Variants in FHOD3 observed in about 807,000 individuals in gnomAD.
The protein encoded by FHOD3 is FH1/FH2 domain-containing protein 3.
FHOD3 carries 90 observed loss-of-function variants against 173.0 expected under a neutral mutation model. That is an observed-to-expected ratio of 0.52 (90% CI 0.44 to 0.62). The LOEUF is 0.62. Among genes scored for constraint, FHOD3 ranks in the 20% least tolerant of loss-of-function variants. The probability of loss-of-function intolerance (pLI) is 0.00; values close to 1 mark genes in which losing one functional copy is unlikely to be tolerated. For synonymous variants in FHOD3, 828 were observed against 823.0 expected (o/e 1.01, Z -0.10); for missense variants, 1,945 against 2,034.7 (o/e 0.96, Z 0.85).
intron 3 of FHOD3, among the ~76,000 whole-genome samples, chr18:36,389,840 A>G (rs1358961980): frequency 6.6e-6 from 1 of 152,124 alleles, no homozygotes; most frequent in African/African-American, 2.4e-5. Flanking sequence ...GAAGGCAATG[A>G]GTAGGGCAGG....
At chr18:36,346,416 C>T (rs1254408715) in intron 1 of FHOD3, among the ~76,000 whole-genome samples, 1 of 152,092 alleles carries the variant, frequency 6.6e-6, no homozygotes. Context: ...CATTTTATCC[C>T]ATCTCCCTGC....
chr18:36,406,089 G>GTTTTTTTTTTTTTTTT (rs763484942), intron 3 of FHOD3, among the ~76,000 whole-genome samples: 2 of 135,778 alleles, frequency 1.5e-5, no homozygotes, highest in Non-Finnish European at 3.1e-5. Context: ...TTTTGTTTTT[G>GTTTTTTTTTTTTTTTT]TTTTTGTTTT....
At chr18:36,476,570 A>G (rs1160865862) in intron 3 of FHOD3, among the ~76,000 whole-genome samples, 1 of 152,172 alleles carries the variant, frequency 6.6e-6, no homozygotes, top group Non-Finnish European at 1.5e-5. Flanking sequence ...GGGCCGTAGG[A>G]TACTCAGTGC....
At chr18:36,720,444 G>A (rs1410978595) in intron 19 of FHOD3, among the ~76,000 whole-genome samples, 1 of 151,752 alleles carries the variant, frequency 6.6e-6, no homozygotes, top group East Asian at 1.9e-4. Flanking sequence ...CACCATGTTG[G>A]CCAGGCTGGT....
At chr18:36,539,140 A>G (rs963410865) in intron 5 of FHOD3, among the ~76,000 whole-genome samples, 1 of 152,256 alleles carries the variant, frequency 6.6e-6, no homozygotes, top group African/African-American at 2.4e-5. Flanking sequence ...CACAATTAGC[A>G]TAGGCTGGAT....
chr18:36,590,385 G>T (rs957252011), intron 6 of FHOD3, among the ~76,000 whole-genome samples: 30 of 143,936 alleles, frequency 2.1e-4, no homozygotes, highest in African/African-American at 6.8e-4. Context: ...TTGGCTCATA[G>T]AATTCTTTTG....
At chr18:36,468,473 A>G (rs1161889252) in intron 3 of FHOD3, among the ~76,000 whole-genome samples, 1 of 152,162 alleles carries the variant, frequency 6.6e-6, no homozygotes, top group African/African-American at 2.4e-5. Flanking sequence ...CTCTGGAGAC[A>G]GGCCACAGGA....
intron 5 of FHOD3, among the ~76,000 whole-genome samples, chr18:36,572,734 G>T (rs112434236): frequency 0.63 from 94,848 of 151,426 alleles, 29,778 homozygotes; most frequent in Non-Finnish European, 0.65. Flanking sequence ...AGCTCTTGGG[G>T]GGAGGCCTTC....
chr18:36,467,028 T>A (rs1454203180), intron 3 of FHOD3, among the ~76,000 whole-genome samples: 1 of 152,160 alleles, frequency 6.6e-6, no homozygotes, highest in African/African-American at 2.4e-5. Flanking sequence ...TAAGAGGGGA[T>A]CCCTGCCCCA....
chr18:36,640,184 A>T (rs2035204856), intron 10 of FHOD3, among the ~76,000 whole-genome samples: 1 of 152,240 alleles, frequency 6.6e-6, no homozygotes, highest in Non-Finnish European at 1.5e-5. Flanking sequence ...GGGACAATAA[A>T]TACTTTCCTG....
At chr18:36,606,548 C>T (rs1031119851) in intron 8 of FHOD3, among the ~76,000 whole-genome samples, 1 of 152,104 alleles carries the variant, frequency 6.6e-6, no homozygotes, top group Non-Finnish European at 1.5e-5. Flanking sequence ...TAGCATTCTG[C>T]CCCCTGTCCC....
At chr18:36,774,622 C>T (rs1378665441) in intron 28 of FHOD3, among the ~76,000 whole-genome samples, 1 of 152,144 alleles carries the variant, frequency 6.6e-6, no homozygotes, top group African/African-American at 2.4e-5. Flanking sequence ...GGAATGTCTG[C>T]TTTTTGTTGT....
At chr18:36,502,441 C>A (rs1198276295) in intron 4 of FHOD3, among the ~76,000 whole-genome samples, 2 of 152,104 alleles carry the variant, frequency 1.3e-5, no homozygotes, top group African/African-American at 4.8e-5. Context: ...ATGTTCCCCT[C>A]CCTCTGTCCA....
rs370411433 is a variant in FHOD3, at chr18:36,427,799, C to T, written c.337+55055C>T. 4.6e-5 allele frequency among the ~76,000 whole-genome samples: 7 copies of T among 152,102 alleles called. No homozygotes were observed. In the East Asian group the frequency reaches 1.3e-3, roughly 29 times the overall value. On this transcript the variant is annotated intron_variant, in intron 3 of 28. Coordinates refer to ENST00000590592, the MANE Select transcript of FHOD3 (RefSeq NM_001281740.3). ...GGATGAATGGATATGTAAATGATTC[C>T]ACAAAAATGTGATACATGGGTAATA...
At chr18:36,565,828 A>G (rs1367623839) in intron 5 of FHOD3, among the ~76,000 whole-genome samples, 1 of 152,268 alleles carries the variant, frequency 6.6e-6, no homozygotes, top group African/African-American at 2.4e-5. Flanking sequence ...CTTGCGTTTC[A>G]TGGTGGAACT....
intron 18 of FHOD3, among the ~76,000 whole-genome samples, chr18:36,714,549 T>A (rs1163849668): frequency 6.6e-6 from 1 of 151,942 alleles, no homozygotes; most frequent in Non-Finnish European, 1.5e-5. Context: ...AGAAAAAAAA[T>A]ATTACCTGAT....
At chr18:36,588,769 C>T (rs2059120252) in intron 6 of FHOD3, among the ~76,000 whole-genome samples, 2 of 152,204 alleles carry the variant, frequency 1.3e-5, no homozygotes, top group African/African-American at 4.8e-5. Flanking sequence ...TTATTACCTT[C>T]CCACATATTT....
intron 28 of FHOD3, among the ~76,000 whole-genome samples, chr18:36,774,841 G>A (rs554393164): frequency 6.6e-6 from 1 of 152,304 alleles, no homozygotes; most frequent in African/African-American, 2.4e-5. Flanking sequence ...ATTCCAGATT[G>A]CATTTAGCCC....
At chr18:36,518,278 T>C (rs1047502208) in intron 5 of FHOD3, among the ~76,000 whole-genome samples, 1 of 152,176 alleles carries the variant, frequency 6.6e-6, no homozygotes, top group African/African-American at 2.4e-5. Context: ...CTCTGCAACC[T>C]CATGACACTG....
Sources: allele counts gnomAD v4.1 joint callset (sites outside exome capture counted in the v4.1 genomes callset), GRCh38; gene constraint gnomAD v4.1.1; transcripts MANE v1.5; gene names NCBI Gene and HGNC (gene_info 2026-07-23, HGNC 2026-07-21).